LYPD6: variants seen among roughly 807,000 people sequenced by gnomAD.
The protein encoded by LYPD6 is ly6/PLAUR domain-containing protein 6.
In LYPD6, 15 loss-of-function variants were observed where a neutral mutation model predicts 22.7. That is an observed-to-expected ratio of 0.66 (90% CI 0.44 to 1.02). The LOEUF is 1.02. LYPD6 is among the 50% of genes least tolerant of loss of function. The pLI is 0.00. For synonymous variants in LYPD6, 72 were observed against 77.5 expected (o/e 0.93, Z 0.37); for missense variants, 189 against 208.4 (o/e 0.91, Z 0.57).
At chr2:149,444,704 CTATTA>C (rs1243487459) in intron 2 of LYPD6, among the ~76,000 whole-genome samples, 4 of 151,948 alleles carry the variant, frequency 2.6e-5, no homozygotes, top group African/African-American at 7.3e-5. Flanking sequence ...CACTTAACTT[CTATTA>C]TGAGATTACA....
rs1683133695 is a variant in LYPD6 at position 149,423,782 on chromosome 2, G to T, written c.-71-13856G>T. ...CTCTCTGCCGGGGCGGGGGGTGGGG[G>T]GTGTCACTGTTCAAATAAGTGTGGG... On this transcript the variant is annotated intron_variant, in intron 1 of 4. Coordinates refer to ENST00000334166, the MANE Select transcript of LYPD6 (RefSeq NM_194317.5). Among the ~76,000 whole-genome samples, 3 of 142,294 alleles carry T rather than the reference G, an allele frequency of 2.1e-5. No homozygotes were observed. The Admixed American group carries it at 2.1e-4, about 10-fold the overall frequency. 93.4% of individuals were successfully genotyped at this position (142,294 alleles called of 152,430 possible).
At position 149,470,810 on chromosome 2, in the gene LYPD6, T is replaced by A; in HGVS notation, c.476T>A (p.Ile159Lys). ...TNGHPRCMSV[I>K]VSCLWLWLGL... ...GGGCACCCACGCTGTATGTCAGTGA[T>A]AGTGTCCTGCTTGTGGTTGTGGTTA... The change falls in exon 5 of 5, where the codon ATA becomes AAA. Residue 159 changes from isoleucine (I) to lysine (K), a missense_variant. Physicochemically the swap from Ile to Lys is moderately radical, Grantham distance 102. Transcript: ENST00000334166. The A allele has an allele frequency of 6.2e-7, 1 of 1,613,722 alleles. No homozygotes were observed. The highest frequency in any genetic ancestry group is 8.5e-7 in the Non-Finnish European group (1 of 1,179,756).
intron 1 of LYPD6, among the ~76,000 whole-genome samples, chr2:149,415,715 G>A (rs1185746771): frequency 6.6e-6 from 1 of 152,138 alleles, no homozygotes; most frequent in Non-Finnish European, 1.5e-5. Flanking sequence ...CCCCCAGGCT[G>A]GGGTGCAGTG....
At chr2:149,393,189 T>C (rs1049517765) in intron 1 of LYPD6, among the ~76,000 whole-genome samples, 4 of 152,242 alleles carry the variant, frequency 2.6e-5, no homozygotes, top group Non-Finnish European at 4.4e-5. Context: ...CTTCTTTTCA[T>C]GGTAATTATA....
intron 1 of LYPD6, among the ~76,000 whole-genome samples, chr2:149,381,023 G>T (rs1259203125): frequency 6.6e-6 from 1 of 152,194 alleles, no homozygotes. Flanking sequence ...TGAGAACTGA[G>T]CAGTATATTG....
chr2:149,452,322 G>T (rs1680848696), intron 3 of LYPD6, among the ~76,000 whole-genome samples: 1 of 152,200 alleles, frequency 6.6e-6, no homozygotes, highest in African/African-American at 2.4e-5. Context: ...TGCTTGGCCA[G>T]CCCTATTTCC....
At chr2:149,438,564 G>A (rs747254017) in intron 2 of LYPD6, among the ~76,000 whole-genome samples, 35 of 152,124 alleles carry the variant, frequency 2.3e-4, no homozygotes, top group African/African-American at 8.5e-4. Context: ...TCTGACCTTC[G>A]GCTTTTGCCC....
In LYPD6 at chr2:149,471,554, T is replaced by G. The variant is rs199770551; in HGVS notation, c.*704T>G. Reference sequence around the variant, plus strand: ...GGAGCCACTGTCCATAAAGTGGCTGTTATCCCTTCATATAATTGGTGAGAT... The same window carrying G: ...GGAGCCACTGTCCATAAAGTGGCTGGTATCCCTTCATATAATTGGTGAGAT... On this transcript the variant is annotated 3_prime_UTR_variant, in exon 5 of 5. Coordinates refer to ENST00000334166, the MANE Select transcript of LYPD6 (RefSeq NM_194317.5). 10 of 152,210 alleles carry G rather than the reference T, an allele frequency of 6.6e-5. No homozygotes were observed. Among genetic ancestry groups the G allele is most frequent in the Non-Finnish European group, 1.3e-4 (9 of 68,022 alleles). 9.4% of individuals were successfully genotyped at this position (152,210 alleles called of 1,614,324 possible).
chr2:149,351,369 G>T (rs1251888545), intron 1 of LYPD6, among the ~76,000 whole-genome samples: 1 of 147,866 alleles, frequency 6.8e-6, no homozygotes, highest in Non-Finnish European at 1.5e-5. Flanking sequence ...ACTCCAGCCT[G>T]GGTGACAGAG....
chr2:149,408,419 T>C (rs1682775837), intron 1 of LYPD6, among the ~76,000 whole-genome samples: 1 of 152,174 alleles, frequency 6.6e-6, no homozygotes, highest in Non-Finnish European at 1.5e-5. Flanking sequence ...ATTTCCCAGG[T>C]GTTCTTTGAG....
chr2:149,381,021 G>T (rs1434438148), intron 1 of LYPD6, among the ~76,000 whole-genome samples: 1 of 152,176 alleles, frequency 6.6e-6, no homozygotes, highest in Non-Finnish European at 1.5e-5. Context: ...ACTGAGAACT[G>T]AGCAGTATAT....
intron 3 of LYPD6, among the ~76,000 whole-genome samples, chr2:149,455,925 C>T (rs1417394272): frequency 6.6e-6 from 1 of 152,182 alleles, no homozygotes; most frequent in Non-Finnish European, 1.5e-5. Context: ...AGGGAAGTCT[C>T]CATTTGGCAG....
downstream of LYPD6, chr2:149,474,153 AGTTT>A (rs1043380939): frequency 6.0e-4 from 92 of 152,148 alleles, no homozygotes; most frequent in African/African-American, 2.0e-3. Context: ...GAAAAATGTC[AGTTT>A]GTTTGTGATT....
intron 1 of LYPD6, among the ~76,000 whole-genome samples, chr2:149,334,600 A>C (rs536314551): frequency 6.6e-6 from 1 of 152,208 alleles, no homozygotes; most frequent in East Asian, 1.9e-4. Context: ...CGTGACAGCA[A>C]TCTGGGGTAT....
At chr2:149,391,240 G>A (rs1682301167) in intron 1 of LYPD6, among the ~76,000 whole-genome samples, 1 of 152,162 alleles carries the variant, frequency 6.6e-6, no homozygotes, top group African/African-American at 2.4e-5. Context: ...GTAAGACTCG[G>A]CTCTTACCTC....
chr2:149,414,791 T>C (rs1331828739), intron 1 of LYPD6, among the ~76,000 whole-genome samples: 1 of 152,180 alleles, frequency 6.6e-6, no homozygotes, highest in African/African-American at 2.4e-5. Context: ...TGACTTAGTT[T>C]CTTAAAATGG....
rs1025270272 is a variant in LYPD6, at chr2:149,394,431, A to C, written c.-71-43207A>C. Among the ~76,000 whole-genome samples the C allele has an allele frequency of 2.6e-5, 4 of 152,312 alleles. No homozygotes were observed. In the East Asian group the frequency reaches 7.7e-4, roughly 29 times the overall value. ...TCCACCGTATTTAACACCTCAAAATATAATAGGAAAGCCCACCAACTTGGC... is the reference window on the plus strand; with the variant it reads ...TCCACCGTATTTAACACCTCAAAATCTAATAGGAAAGCCCACCAACTTGGC... On this transcript the variant is annotated intron_variant, in intron 1 of 4. Transcript: ENST00000334166.
downstream of LYPD6, among the ~76,000 whole-genome samples, chr2:149,476,743 G>A (rs62190614): frequency 0.015 from 2,269 of 152,274 alleles, 29 homozygotes; most frequent in African/African-American, 0.02. Context: ...ACAGAGGAGC[G>A]TGACTGTTTG....
chr2:149,383,859 T>G (rs1306769553), intron 1 of LYPD6, among the ~76,000 whole-genome samples: 3 of 152,234 alleles, frequency 2.0e-5, no homozygotes, highest in African/African-American at 7.2e-5. Flanking sequence ...TCTTCACCTA[T>G]AAAACACATA....
Sources: allele counts gnomAD v4.1 joint callset (sites outside exome capture counted in the v4.1 genomes callset), GRCh38; gene constraint gnomAD v4.1.1; transcripts MANE v1.5; gene names NCBI Gene and HGNC (gene_info 2026-07-23, HGNC 2026-07-21).